CASP6: variants seen among roughly 807,000 people sequenced by gnomAD.
CASP6 encodes the protein caspase-6.
A neutral mutation model predicts 31.8 loss-of-function variants in CASP6; 20 were observed. The ratio of observed to expected loss-of-function variants is 0.63; its 90% CI spans 0.44 to 0.91. The LOEUF is 0.91. Ranked by LOEUF, CASP6 falls within the 40% of genes least tolerant of loss-of-function variation. The pLI is 0.00. For missense variants in CASP6, 328 were observed against 361.1 expected (o/e 0.91, Z 0.74); for synonymous variants, 130 against 127.8 (o/e 1.02, Z -0.12).
chr4:109,667,179 G>T, the CASP6 span, among the ~76,000 whole-genome samples: 2 of 152,028 alleles, frequency 1.3e-5, no homozygotes, highest in Non-Finnish European at 1.5e-5. Flanking sequence ...TTCTTCCTTT[G>T]ATGTTTGGTA....
chr4:109,705,993 AAAAAAAAAATATATAT>A (rs1319940655), upstream of CASP6, among the ~76,000 whole-genome samples: 342 of 67,728 alleles, frequency 5.0e-3, no homozygotes, highest in South Asian at 0.011. Flanking sequence ...AAAAAAAAAA[AAAAAAAAAATATATAT>A]ATATATATAT....
chr4:109,703,425 CCCT>C lies in CASP6; in HGVS notation c.-33_-31del. On this transcript the variant is annotated 5_prime_UTR_variant, in exon 1 of 7. Transcript: ENST00000265164. ...GCCAAACGCGCAGCCAGACACCTTG[CCCT>C]CCTCTTCCTGAAGCCACAGGCTCCC... 2 of 1,608,534 alleles carry C rather than the reference CCCT, an allele frequency of 1.2e-6. No individual in the cohort carries two copies. Among genetic ancestry groups the C allele is most frequent in the South Asian group, 1.1e-5 (1 of 89,910 alleles).
intron 6 of CASP6, 128 bp downstream of exon 6, chr4:109,690,720 TAA>T (rs1321498138): frequency 1.1e-6 from 1 of 895,942 alleles, no homozygotes; most frequent in East Asian, 2.7e-5. Flanking sequence ...AAAGAAATTC[TAA>T]GTCTGTGAGC....
chr4:109,698,554 G>C (rs1039760695), intron 1 of CASP6, among the ~76,000 whole-genome samples: 6 of 152,118 alleles, frequency 3.9e-5, no homozygotes, highest in African/African-American at 1.2e-4. Flanking sequence ...CCCCCAACTT[G>C]ACCTGCAAAA....
the CASP6 span, among the ~76,000 whole-genome samples, chr4:109,677,131 T>G: frequency 6.6e-6 from 1 of 152,252 alleles, no homozygotes; most frequent in Non-Finnish European, 1.5e-5. Flanking sequence ...CAAAGATTGT[T>G]CTGAAGTTTT....
chr4:109,684,815 CAG>C (rs760259387), downstream of CASP6: 113 of 534,894 alleles, frequency 2.1e-4, no homozygotes, highest in Middle Eastern at 1.4e-3. Flanking sequence ...ACTCACAACA[CAG>C]AGAAATTATA....
At chr4:109,694,346 CAATG>C (rs1730171172) in intron 5 of CASP6, among the ~76,000 whole-genome samples, 175 bp downstream of exon 5, 1 of 152,150 alleles carries the variant, frequency 6.6e-6, no homozygotes, top group Non-Finnish European at 1.5e-5. Context: ...GTAATATAGA[CAATG>C]AGAGTGTCAA....
At chr4:109,684,263 C>T (rs530218569), downstream of CASP6, among the ~76,000 whole-genome samples, 1 of 152,154 alleles carries the variant, frequency 6.6e-6, no homozygotes, top group South Asian at 2.1e-4. Context: ...GGGGTTTCAC[C>T]ATGTTAACCA....
chr4:109,701,342 A>G (rs957446231), intron 1 of CASP6, among the ~76,000 whole-genome samples: 3 of 152,210 alleles, frequency 2.0e-5, no homozygotes, highest in African/African-American at 7.2e-5. Context: ...TGAAGGAGCT[A>G]CCCTGTATAA....
At chr4:109,665,337 G>T in the CASP6 span, among the ~76,000 whole-genome samples, 454 of 152,192 alleles carry the variant, frequency 3.0e-3, 2 homozygotes, top group African/African-American at 0.01. Context: ...ATGTTTTTAT[G>T]ACCAGAAATA....
At chr4:109,709,419 C>T in the CASP6 span, among the ~76,000 whole-genome samples, 37 of 152,288 alleles carry the variant, frequency 2.4e-4, no homozygotes, top group South Asian at 6.9e-3. Flanking sequence ...AATTCAGATA[C>T]ACTAAGTTAA....
chr4:109,670,730 A>C, the CASP6 span, among the ~76,000 whole-genome samples: 1 of 151,944 alleles, frequency 6.6e-6, no homozygotes, highest in Non-Finnish European at 1.5e-5. Context: ...AAAAAAAAAA[A>C]AGAAAAAGAA....
the CASP6 span, among the ~76,000 whole-genome samples, chr4:109,670,939 C>T: frequency 1.3e-5 from 2 of 152,246 alleles, no homozygotes; most frequent in Non-Finnish European, 2.9e-5. Context: ...GCTGAGCCTC[C>T]AGCAATTTGT....
chr4:109,697,082 G>A (rs984303225), intron 3 of CASP6, among the ~76,000 whole-genome samples: 11 of 151,224 alleles, frequency 7.3e-5, no homozygotes, highest in East Asian at 2.0e-4. Flanking sequence ...CACCATGCCC[G>A]GCCAACTCAG....
rs1053062593 is a variant in CASP6, at chr4:109,688,859, C to G, written c.*471G>C. ...TATCAAACCCTTTCACCATGGCCAA[C>G]ATGAACTTTTTTTTTTTTTTTTTAA... is the stretch of plus-strand genomic sequence containing the variant. On this transcript the variant is annotated 3_prime_UTR_variant, in exon 7 of 7. Coordinates refer to ENST00000265164, the MANE Select transcript of CASP6 (RefSeq NM_001226.4). 6.8e-5 allele frequency: 10 copies of G among 147,552 alleles called. No homozygotes were observed. The highest frequency in any genetic ancestry group is 6.7e-4 in the Admixed American group (10 of 14,850). The allele number at this position is 147,552 out of a possible 1,614,324, so 9.1% of individuals were successfully genotyped here.
the CASP6 span, chr4:109,681,528 G>C: frequency 2.3e-6 from 1 of 436,854 alleles, no homozygotes; most frequent in South Asian, 1.6e-5. Context: ...CTGACCTGGG[G>C]TTCTTGGCCT....
the CASP6 span, among the ~76,000 whole-genome samples, chr4:109,679,137 G>A: frequency 1.3e-4 from 20 of 150,008 alleles, no homozygotes; most frequent in Admixed American, 9.9e-4. Flanking sequence ...CGGGATGGCC[G>A]GGCAGAGGTG....
chr4:109,690,810 CAA>C, intron 6 of CASP6, 38 bp downstream of exon 6: 1 of 1,556,132 alleles, frequency 6.4e-7, no homozygotes, highest in Non-Finnish European at 8.7e-7. Context: ...GGACCTTAGC[CAA>C]GAGAGGCAAT....
intron 5 of CASP6, chr4:109,692,493 T>C (rs1730088434): frequency 6.6e-6 from 1 of 152,192 alleles, no homozygotes; most frequent in Non-Finnish European, 1.5e-5. Context: ...AGCTCATTAG[T>C]TATTTCCAAT....
Sources: allele counts gnomAD v4.1 joint callset (sites outside exome capture counted in the v4.1 genomes callset), GRCh38; gene constraint gnomAD v4.1.1; transcripts MANE v1.5; gene names NCBI Gene and HGNC (gene_info 2026-07-23, HGNC 2026-07-21).